Variants in WDR72 observed in about 807,000 individuals in gnomAD.
The protein encoded by WDR72 is WD repeat domain 72.
In WDR72, 120 loss-of-function variants were observed where a neutral mutation model predicts 124.2. That is an observed-to-expected ratio of 0.97 (90% confidence interval 0.83 to 1.12). The LOEUF is 1.12. Among genes scored for constraint, WDR72 ranks in the 50% most tolerant of loss-of-function variants. The pLI, the probability that WDR72 is intolerant of heterozygous loss-of-function variation, is 0.00. For missense variants in WDR72, 1,387 were observed against 1,278.8 expected (o/e 1.08, Z -1.29); for synonymous variants, 452 against 441.7 (o/e 1.02, Z -0.29).
intron 18 of WDR72, among the ~76,000 whole-genome samples, chr15:53,568,145 A>C (rs1894370244): frequency 6.6e-6 from 1 of 150,900 alleles, no homozygotes; most frequent in Non-Finnish European, 1.5e-5. Flanking sequence ...CTGATTTTTA[A>C]AAATAGGTAA....
In WDR72 at chr15:53,563,833, C is replaced by T. The variant is rs544826299; in HGVS notation, c.3148+33246G>A. Among the ~76,000 whole-genome samples the T allele has an allele frequency of 9.2e-5, 14 of 151,860 alleles. 1 individual carries two copies. Among genetic ancestry groups the T allele is most frequent in the South Asian group, 4.2e-4 (2 of 4,816 alleles). ...TTTCCAATCACTTAGGGATGGGCAT[C>T]GGAGCTCGTCATCCATCATCCCTGG... On this transcript the variant is annotated intron_variant, in intron 18 of 19. Coordinates refer to ENST00000360509, the MANE Select transcript of WDR72 (RefSeq NM_182758.4).
intron 14 of WDR72, among the ~76,000 whole-genome samples, chr15:53,664,287 T>G (rs1474229860): frequency 6.6e-6 from 1 of 152,194 alleles, no homozygotes; most frequent in Non-Finnish European, 1.5e-5. Flanking sequence ...ATAACCAGAA[T>G]GCCAATTAAA....
At chr15:53,699,040 C>T (rs1032025419) in intron 13 of WDR72, among the ~76,000 whole-genome samples, 9 of 152,076 alleles carry the variant, frequency 5.9e-5, no homozygotes, top group African/African-American at 2.2e-4. Flanking sequence ...ATAAACTATC[C>T]AGTCTGTTAA....
At chr15:53,626,871 T>C (rs976049071) in intron 14 of WDR72, among the ~76,000 whole-genome samples, 1 of 152,204 alleles carries the variant, frequency 6.6e-6, no homozygotes, top group Non-Finnish European at 1.5e-5. Flanking sequence ...ACTACAACCA[T>C]AAAATAGATT....
intron 19 of WDR72, among the ~76,000 whole-genome samples, chr15:53,521,832 CATT>C (rs59056576): frequency 0.034 from 5,187 of 152,056 alleles, 234 homozygotes; most frequent in African/African-American, 0.1. Context: ...AATTTGGCAA[CATT>C]AGTCAAAACT....
intron 17 of WDR72, among the ~76,000 whole-genome samples, chr15:53,598,152 C>T (rs973784006): frequency 1.2e-4 from 19 of 152,278 alleles, no homozygotes; most frequent in Middle Eastern, 3.4e-3. Flanking sequence ...AGAATGGACA[C>T]TGCTGATATA....
chr15:53,525,489 T>C (rs1312707081), intron 18 of WDR72, among the ~76,000 whole-genome samples: 8 of 152,038 alleles, frequency 5.3e-5, no homozygotes, highest in Admixed American at 2.0e-4. Flanking sequence ...AAAATATTTA[T>C]CAAGCACCAA....
upstream of WDR72, among the ~76,000 whole-genome samples, chr15:53,761,295 C>T (rs950480130): frequency 6.6e-6 from 1 of 152,122 alleles, no homozygotes; most frequent in East Asian, 1.9e-4. Context: ...TCAAACGGCT[C>T]ATATCCAAAA....
At position 53,586,751 on chromosome 15, in the gene WDR72, TG is replaced by T. The variant is rs373119191; in HGVS notation, c.3148+10327del. Among the ~76,000 whole-genome samples, 18 of 151,986 alleles carry T rather than the reference TG, an allele frequency of 1.2e-4. No individual in the cohort carries two copies. The East Asian group carries it at 3.5e-3, about 30-fold the overall frequency. ...ATAGGATAAGAAGCCCCTTTTCTAA[TG>T]GTGGAGACAGAATGGCTGATGATTT... is the stretch of plus-strand genomic sequence containing the variant. On this transcript the variant is annotated intron_variant, in intron 18 of 19. Coordinates refer to ENST00000360509, the MANE Select transcript of WDR72 (RefSeq NM_182758.4).
At chr15:53,546,418 A>G (rs1383233200) in intron 18 of WDR72, among the ~76,000 whole-genome samples, 1 of 151,050 alleles carries the variant, frequency 6.6e-6, no homozygotes, top group Admixed American at 6.6e-5. Context: ...GCAAGAACAA[A>G]AAACCAAACA....
At chr15:53,638,213 A>T (rs2014698101) in intron 14 of WDR72, among the ~76,000 whole-genome samples, 1 of 152,198 alleles carries the variant, frequency 6.6e-6, no homozygotes, top group African/African-American at 2.4e-5. Context: ...TAGCTATAAC[A>T]TTAGACAAAG....
At chr15:53,673,968 G>A (rs960740742) in intron 13 of WDR72, among the ~76,000 whole-genome samples, 6 of 151,830 alleles carry the variant, frequency 4.0e-5, no homozygotes, top group Non-Finnish European at 8.8e-5. Flanking sequence ...TCCAGCTTGG[G>A]CAACAAGAGT....
At chr15:53,557,132 G>T (rs764448536) in intron 18 of WDR72, among the ~76,000 whole-genome samples, 9 of 152,188 alleles carry the variant, frequency 5.9e-5, no homozygotes, top group Admixed American at 6.5e-5. Context: ...TTAGTTCTCA[G>T]TATATCAGGC....
Position 53,667,574 on chromosome 15 carries a change from G to C in WDR72, c.1766-1806C>G, listed in dbSNP as rs535726941. Among the ~76,000 whole-genome samples the C allele has an allele frequency of 1.1e-4, 16 of 152,236 alleles. No homozygotes were observed. In the South Asian group the frequency reaches 3.1e-3, roughly 30 times the overall value. On this transcript the variant is annotated intron_variant, in intron 13 of 19. Transcript: ENST00000360509. ...AATAGGAAAAGCTTCACAAACCAAA[G>C]ATAAGAGTTATTACTGCTTCCTGAA...
intron 18 of WDR72, among the ~76,000 whole-genome samples, chr15:53,537,035 A>G (rs1289599585): frequency 6.6e-6 from 1 of 152,202 alleles, no homozygotes; most frequent in African/African-American, 2.4e-5. Context: ...TTTCTTAATG[A>G]AAAACAGTGT....
At chr15:53,591,539 A>T (rs1036580447) in intron 18 of WDR72, among the ~76,000 whole-genome samples, 1 of 152,074 alleles carries the variant, frequency 6.6e-6, no homozygotes, top group African/African-American at 2.4e-5. Flanking sequence ...TGAAATACGC[A>T]TCAACAATAT....
chr15:53,519,772 T>C lies in WDR72; in HGVS notation c.3254-2018A>G, dbSNP rs114397770. The stretch of plus-strand genomic sequence containing the variant: ...CAATGGCATGATGAATAAGGTAGAG[T>C]GCTCTAGAGACCAGGTGAACAATCA... On this transcript the variant is annotated intron_variant, in intron 19 of 19. Coordinates refer to ENST00000360509, the MANE Select transcript of WDR72 (RefSeq NM_182758.4). Among the ~76,000 whole-genome samples the C allele has an allele frequency of 8.7e-3, 1,315 of 152,016 alleles. 23 individuals are homozygous for C. The highest frequency in any genetic ancestry group is 0.031 in the African/African-American group (1,268 of 41,484).
At chr15:53,626,980 T>C (rs2014237247) in intron 14 of WDR72, among the ~76,000 whole-genome samples, 1 of 152,208 alleles carries the variant, frequency 6.6e-6, no homozygotes, top group African/African-American at 2.4e-5. Flanking sequence ...TTAGGAAATA[T>C]AGGCAGCAGC....
chr15:53,679,494 C>G (rs187465750), intron 13 of WDR72, among the ~76,000 whole-genome samples: 30 of 152,082 alleles, frequency 2.0e-4, no homozygotes, highest in Non-Finnish European at 4.0e-4. Flanking sequence ...AAAGAGGGAC[C>G]ATTGGCCATC....
Sources: gnomAD v4.1 joint callset for allele counts (sites outside exome capture counted in the v4.1 genomes callset) on GRCh38, gnomAD v4.1.1 for gene constraint, MANE v1.5 for transcripts, NCBI Gene and HGNC (gene_info 2026-07-23, HGNC 2026-07-21) for gene names.